Variants in NHLRC3 observed in about 807,000 individuals in gnomAD.
The protein encoded by NHLRC3 is NHL repeat-containing protein 3.
Under a neutral mutation model 32.0 loss-of-function variants are expected in NHLRC3, and 23 were observed. The ratio of observed to expected loss-of-function variants is 0.72; its 90% CI spans 0.52 to 1.02. NHLRC3 has a LOEUF of 1.02. Ranked by LOEUF, NHLRC3 falls within the 50% of genes least tolerant of loss-of-function variation. NHLRC3 has a pLI of 0.00. For synonymous variants in NHLRC3, 159 were observed against 147.9 expected, an observed-to-expected ratio of 1.08 and a Z score of -0.55; for missense variants, 407 against 406.8, an observed-to-expected ratio of 1.00 and a Z score of -0.01.
rs576524659 is a variant in NHLRC3, at chr13:39,042,738, A to T, written c.586+433A>T. Among the ~76,000 whole-genome samples the T allele has an allele frequency of 9.5e-4, 144 of 152,352 alleles. 1 individual carries two copies. Among genetic ancestry groups the T allele is most frequent in the African/African-American group, 3.4e-3 (141 of 41,580 alleles). ...ATTATGTATTGAAACAATGAAATGT[A>T]GTCTATGCTATTGATTCTTAAAGCA... On this transcript the variant is annotated intron_variant, in intron 4 of 6. Coordinates refer to ENST00000379600, the MANE Select transcript of NHLRC3 (RefSeq NM_001012754.4).
chr13:39,044,258 T>TGTGTGTGTG, intron 5 of NHLRC3, 77 bp downstream of exon 5: 1 of 982,512 alleles, frequency 1.0e-6, no homozygotes, highest in South Asian at 1.3e-5. Context: ...TGTGTGTGTG[T>TGTGTGTGTG]GTGTGTGTGT....
In NHLRC3 at chr13:39,042,366, T is replaced by C. The variant is rs975447336; in HGVS notation, c.586+61T>C. On this transcript the variant is annotated intron_variant, in intron 4 of 6. Transcript: ENST00000379600. ...TAAATTGATTTTAATTTGTTCGATA[T>C]TTGGTATAATGTTTTAAGTGTTGTG... The C allele has an allele frequency of 3.8e-6, 4 of 1,054,772 alleles. No individual in the cohort carries two copies. In the African/African-American group the frequency reaches 6.4e-5, roughly 17 times the overall value. The allele number at this position is 1,054,772 out of a possible 1,614,324, so 65.3% of individuals were successfully genotyped here.
chr13:39,047,726 C>A lies in NHLRC3; in HGVS notation c.844C>A (p.Leu282Ile). 1 of 1,613,702 alleles carries A rather than the reference C, an allele frequency of 6.2e-7. No individual in the cohort carries two copies. The highest frequency in any genetic ancestry group is 8.5e-7 in the Non-Finnish European group (1 of 1,179,650). ...TGTGGCCCAGCTGAATCTTAGCAGG[C>A]TCTCAGTCGTAGCAGCACCCCCAGT... Reference protein sequence around the residue: ...LIVAQLNLSRLSVVAAPPVGS... With the variant: ...LIVAQLNLSRISVVAAPPVGS... Residue 282 changes from leucine (L) to isoleucine (I), a missense_variant, in exon 7 of 7, where the codon CTC (leucine) becomes ATC (isoleucine). Transcript: ENST00000379600.
chr13:39,046,094 C>T (rs1053293391), intron 5 of NHLRC3, among the ~76,000 whole-genome samples: 3 of 152,140 alleles, frequency 2.0e-5, no homozygotes, highest in African/African-American at 7.2e-5. Flanking sequence ...CTTTGGGAGG[C>T]CAAGGTGGGC....
At chr13:39,042,976 G>A (rs1225589628) in intron 4 of NHLRC3, among the ~76,000 whole-genome samples, 1 of 152,134 alleles carries the variant, frequency 6.6e-6, no homozygotes, top group Non-Finnish European at 1.5e-5. Flanking sequence ...TACAATTTGG[G>A]ATGTTTCTGA....
At chr13:39,039,345 G>T in intron 2 of NHLRC3, 57 bp downstream of exon 2, 2 of 1,408,940 alleles carry the variant, frequency 1.4e-6, no homozygotes, top group Non-Finnish European at 2.0e-6. Flanking sequence ...CAGCCTTCCT[G>T]TCTTGCTGTA....
chr13:39,044,291 T>G (rs1337672155), intron 5 of NHLRC3, 110 bp downstream of exon 5: 1 of 784,968 alleles, frequency 1.3e-6, no homozygotes, highest in African/African-American at 1.7e-5. Context: ...ATATAGATTG[T>G]GGTATACATG....
Position 39,049,712 on chromosome 13 carries a change from T to C in NHLRC3, c.*1786T>C, listed in dbSNP as rs1025385654. 7 of 152,238 alleles carry C rather than the reference T, an allele frequency of 4.6e-5. No homozygotes were observed. The highest frequency in any genetic ancestry group is 1.7e-4 in the African/African-American group (7 of 41,470). The allele number at this position is 152,238 out of a possible 1,614,324, so 9.4% of individuals were successfully genotyped here. A position where few individuals can be genotyped will look rare whatever the true frequency, so the allele number is the denominator to read the frequency against. On this transcript the variant is annotated 3_prime_UTR_variant, in exon 7 of 7. Coordinates refer to ENST00000379600, the MANE Select transcript of NHLRC3 (RefSeq NM_001012754.4). ...TTTGTTTTTAAGCCAGGACAAGAAG[T>C]GCAAATGCCTCTTTGAAGCAATTTA...
Position 39,039,214 on chromosome 13 carries a change from C to A in NHLRC3, c.163C>A (p.His55Asn), listed in dbSNP as rs1472788257. The A allele has an allele frequency of 1.2e-6, 2 of 1,613,758 alleles. No homozygotes were observed. Among genetic ancestry groups the A allele is most frequent in the Non-Finnish European group, 1.7e-6 (2 of 1,179,650 alleles). ...LYRLDVGWPKHPEYFTGTTFC... is the reference protein window; with the variant it reads ...LYRLDVGWPKNPEYFTGTTFC... ...CCGGCTGGATGTGGGTTGGCCTAAG[C>A]ACCCAGAATATTTTACCGGAACAAC... is the stretch of plus-strand genomic sequence containing the variant. Residue 55 changes from histidine (H) to asparagine (N), a missense_variant, in exon 2 of 7, where the codon CAC becomes AAC. His to Asn is a moderately conservative substitution (Grantham distance 68). Coordinates refer to ENST00000379600, the MANE Select transcript of NHLRC3 (RefSeq NM_001012754.4).
In NHLRC3 at chr13:39,045,018, A is replaced by G. The variant is rs1871615656; in HGVS notation, c.678+837A>G. 1.3e-5 allele frequency among the ~76,000 whole-genome samples: 2 copies of G among 152,144 alleles called. 1 individual carries two copies. The highest frequency in any genetic ancestry group is 4.1e-4 in the South Asian group (2 of 4,822). On this transcript the variant is annotated intron_variant, in intron 5 of 6. Coordinates refer to ENST00000379600, the MANE Select transcript of NHLRC3 (RefSeq NM_001012754.4). ...ACACAGTAGTCATATTTATTTATTAAATGACTAAATGTCTTGACACACAAT... is the reference window on the plus strand; with the variant it reads ...ACACAGTAGTCATATTTATTTATTAGATGACTAAATGTCTTGACACACAAT...
Position 39,044,071 on chromosome 13 carries a change from A to G in NHLRC3, c.587-19A>G, listed in dbSNP as rs766055180. 1.9e-5 allele frequency: 30 copies of G among 1,570,804 alleles called. No homozygotes were observed. The East Asian group carries it at 4.0e-4, about 21-fold the overall frequency. ...ACATTCTATATGTTGCTCTGACTAT[A>G]TATTTTTACCGTTTATAGATTTCAT... On this transcript the variant is annotated intron_variant, in intron 4 of 6. Coordinates refer to ENST00000379600, the MANE Select transcript of NHLRC3 (RefSeq NM_001012754.4).
At chr13:39,038,843 C>G in intron 1 of NHLRC3, 120 bp downstream of exon 1, 2 of 874,168 alleles carry the variant, frequency 2.3e-6, no homozygotes, top group South Asian at 2.7e-5. Context: ...GTCTCAAAGC[C>G]TGCACCTGGG....
At chr13:39,044,209 G>T in intron 5 of NHLRC3, 28 bp downstream of exon 5, 2 of 1,450,936 alleles carry the variant, frequency 1.4e-6, no homozygotes, top group Non-Finnish European at 1.9e-6. Flanking sequence ...TTGTGTCTGG[G>T]ACTTTGTGTC....
intron 4 of NHLRC3, among the ~76,000 whole-genome samples, 167 bp from the exon 5 acceptor site, chr13:39,043,923 A>T (rs755082799): frequency 1.3e-5 from 2 of 152,190 alleles, no homozygotes; most frequent in Non-Finnish European, 2.9e-5. Context: ...TTAAAAAAAA[A>T]ACTGTAAGAA....
rs769516240 is a variant in NHLRC3 at position 39,047,922 on chromosome 13, CA to C, written c.1041del (p.Ter348AsnfsTer21). The C allele has an allele frequency of 1.3e-6, 2 of 1,592,512 alleles. No homozygotes were observed. Among genetic ancestry groups the C allele is most frequent in the Admixed American group, 3.4e-5 (2 of 59,618 alleles). ...AATAGCTATGTTCCTTCATTTGGTT[CA>C]TAATGTTTCTTTCCTGGGAATATTT... is the stretch of plus-strand genomic sequence containing the variant. ...PLNSYVPSFGS is the reference protein window; with the variant it reads ...PLNSYVPSFGX On this transcript the variant is annotated frameshift_variant, in exon 7 of 7. Coordinates refer to ENST00000379600, the MANE Select transcript of NHLRC3 (RefSeq NM_001012754.4). LOFTEE classifies it high-confidence loss of function.
At chr13:39,041,842 G>A in intron 3 of NHLRC3, 1 of 366,942 alleles carries the variant, frequency 2.7e-6, no homozygotes, top group Non-Finnish European at 4.9e-6. Flanking sequence ...TGAGTTTCCT[G>A]TATAATGAGT....
chr13:39,039,145 A>T lies in NHLRC3; in HGVS notation c.94A>T (p.Asn32Tyr). The T allele has an allele frequency of 6.5e-7, 1 of 1,546,020 alleles. No individual in the cohort carries two copies. The highest frequency in any genetic ancestry group is 8.8e-7 in the Non-Finnish European group (1 of 1,140,836). The stretch of plus-strand genomic sequence containing the variant: ...TCTGATTTTGTTTAAGGTTTTGAGG[A>T]ACTTTACTTTTGCAGTTTCCTGGAG... ...SRFCGSPVLR[N>Y]FTFAVSWRTE... Residue 32 changes from asparagine to tyrosine, a missense_variant, in exon 2 of 7, where the codon AAC (asparagine) becomes TAC (tyrosine). Coordinates refer to ENST00000379600, the MANE Select transcript of NHLRC3 (RefSeq NM_001012754.4).
intron 6 of NHLRC3, among the ~76,000 whole-genome samples, chr13:39,047,415 A>G (rs1261099747): frequency 6.6e-6 from 1 of 152,162 alleles, no homozygotes; most frequent in Admixed American, 6.5e-5. Flanking sequence ...CCTAACATCA[A>G]TTCTTCATTA....
chr13:39,044,055 A>C, intron 4 of NHLRC3, 35 bp from the exon 5 acceptor site: 2 of 1,389,476 alleles, frequency 1.4e-6, no homozygotes. Context: ...GACATTCTAT[A>C]TGTTGCTCTG....
Sources: gnomAD v4.1 joint callset for allele counts (sites outside exome capture counted in the v4.1 genomes callset) on GRCh38, gnomAD v4.1.1 for gene constraint, MANE v1.5 for transcripts, NCBI Gene and HGNC (gene_info 2026-07-23, HGNC 2026-07-21) for gene names.